The following KDM4C variants were observed in gnomAD, a reference collection of about 807,000 sequenced individuals.
The protein encoded by KDM4C is lysine demethylase 4C.
A neutral mutation model predicts 129.3 loss-of-function variants in KDM4C; 81 were observed. The observed-to-expected ratio is 0.63, with a 90% CI of 0.52 to 0.75. KDM4C has a LOEUF of 0.75. KDM4C is among the 30% of genes least tolerant of loss of function. The pLI is 0.00. For missense variants in KDM4C, 1,457 were observed against 1,304.0 expected, an observed-to-expected ratio of 1.12 and a Z score of -1.81; for synonymous variants, 573 against 456.1, an observed-to-expected ratio of 1.26 and a Z score of -3.26.
At chr9:6,861,060 A>G (rs916133627) in intron 5 of KDM4C, among the ~76,000 whole-genome samples, 1 of 152,262 alleles carries the variant, frequency 6.6e-6, no homozygotes, top group African/African-American at 2.4e-5. Context: ...AGGCACAGGC[A>G]GTAGGTGGAA....
At chr9:7,155,627 G>T (rs544767327) in intron 19 of KDM4C, among the ~76,000 whole-genome samples, 1 of 152,204 alleles carries the variant, frequency 6.6e-6, no homozygotes, top group South Asian at 2.1e-4. Context: ...CTGTCCTTGC[G>T]ATAGTTTGCT....
At chr9:7,171,756 C>T (rs967709732) in intron 21 of KDM4C, among the ~76,000 whole-genome samples, 9 of 152,132 alleles carry the variant, frequency 5.9e-5, no homozygotes, top group Non-Finnish European at 8.8e-5. Context: ...TCTCGGAACA[C>T]AGGTCCTGGA....
rs1468275299 is a variant in KDM4C at position 6,772,931 on chromosome 9, G to A, written c.-18+14728G>A. 2.5e-4 allele frequency among the ~76,000 whole-genome samples: 36 copies of A among 145,178 alleles called. 1 individual carries two copies. The Admixed American group carries it at 2.5e-3, about 10-fold the overall frequency. On this transcript the variant is annotated intron_variant, in intron 1 of 21. Coordinates refer to ENST00000381309, the MANE Select transcript of KDM4C (RefSeq NM_015061.6). Reference sequence around the variant, plus strand: ...GGCTGGTCCCGAACTCTTGACCGCAGGTGATCCACCCACCTCGGCCTCCCC... The same window carrying A: ...GGCTGGTCCCGAACTCTTGACCGCAAGTGATCCACCCACCTCGGCCTCCCC...
intron 4 of KDM4C, among the ~76,000 whole-genome samples, chr9:6,836,755 T>A (rs1291554459): frequency 1.3e-5 from 2 of 152,242 alleles, no homozygotes; most frequent in African/African-American, 4.8e-5. Context: ...AGTTGATCCA[T>A]ATTATTTTGT....
intron 5 of KDM4C, among the ~76,000 whole-genome samples, chr9:6,861,774 C>CTT (rs199903320): frequency 6.7e-5 from 10 of 148,840 alleles, no homozygotes; most frequent in Non-Finnish European, 1.5e-4. Flanking sequence ...ATATTTCTTT[C>CTT]TTTCTTTTTT....
intron 1 of KDM4C, among the ~76,000 whole-genome samples, chr9:6,790,055 G>A (rs62567973): frequency 0.64 from 96,266 of 149,724 alleles, 31,234 homozygotes; most frequent in African/African-American, 0.72. Context: ...GGGTGGGATC[G>A]CCTGAGGTCA....
intron 15 of KDM4C, among the ~76,000 whole-genome samples, chr9:7,023,979 T>C (rs1166122633): frequency 6.6e-6 from 1 of 152,228 alleles, no homozygotes; most frequent in African/African-American, 2.4e-5. Context: ...TTTTATTCCA[T>C]TGTGGTCAAA....
At chr9:6,916,514 C>A (rs1230378847) in intron 8 of KDM4C, among the ~76,000 whole-genome samples, 1 of 152,128 alleles carries the variant, frequency 6.6e-6, no homozygotes, top group African/African-American at 2.4e-5. Flanking sequence ...CCTGCATTGG[C>A]CTCCCAAAGT....
At chr9:7,124,807 G>T (rs1263863383) in intron 18 of KDM4C, among the ~76,000 whole-genome samples, 1 of 152,156 alleles carries the variant, frequency 6.6e-6, no homozygotes. Flanking sequence ...AGGAAGGAAA[G>T]AAGGGAAATA....
intron 1 of KDM4C, among the ~76,000 whole-genome samples, chr9:6,778,684 T>G (rs13291397): frequency 6.6e-6 from 1 of 151,862 alleles, no homozygotes; most frequent in East Asian, 2.0e-4. Context: ...GGAGAATCTC[T>G]TGAACCCAGG....
intron 8 of KDM4C, among the ~76,000 whole-genome samples, chr9:6,962,309 C>A (rs1010412480): frequency 6.6e-6 from 1 of 152,136 alleles, no homozygotes; most frequent in Non-Finnish European, 1.5e-5. Context: ...AAATTATATC[C>A]AAATGCATTT....
chr9:6,791,613 T>C (rs1004357342), intron 1 of KDM4C, among the ~76,000 whole-genome samples: 4 of 152,262 alleles, frequency 2.6e-5, no homozygotes, highest in African/African-American at 9.6e-5. Context: ...TAACGATTTT[T>C]AACATTCTCT....
chr9:6,884,913 T>G (rs1174205846), intron 6 of KDM4C, among the ~76,000 whole-genome samples: 1 of 152,246 alleles, frequency 6.6e-6, no homozygotes, highest in African/African-American at 2.4e-5. Flanking sequence ...AACTTCTCAT[T>G]TGAAGGAAGG....
intron 18 of KDM4C, among the ~76,000 whole-genome samples, chr9:7,113,714 A>C (rs1838590203): frequency 6.6e-6 from 1 of 152,210 alleles, no homozygotes; most frequent in Non-Finnish European, 1.5e-5. Flanking sequence ...CTTCGTGCTA[A>C]TGAAAAATAA....
At chr9:7,055,155 C>T (rs990431950) in intron 17 of KDM4C, among the ~76,000 whole-genome samples, 2 of 152,158 alleles carry the variant, frequency 1.3e-5, no homozygotes, top group Admixed American at 6.5e-5. Flanking sequence ...TCCATCCTGG[C>T]GACAGAGCAA....
intron 2 of KDM4C, among the ~76,000 whole-genome samples, chr9:6,801,491 C>T (rs1390446765): frequency 6.6e-6 from 1 of 151,340 alleles, no homozygotes; most frequent in Non-Finnish European, 1.5e-5. Context: ...CCCGCCTTGG[C>T]CTCCCAAAGT....
At chr9:7,124,615 C>T (rs997090826) in intron 18 of KDM4C, among the ~76,000 whole-genome samples, 2 of 152,104 alleles carry the variant, frequency 1.3e-5, no homozygotes, top group Non-Finnish European at 2.9e-5. Flanking sequence ...TCGTAAACTG[C>T]GTAATTATTT....
At chr9:6,772,693 T>C (rs1822132861) in intron 1 of KDM4C, among the ~76,000 whole-genome samples, 1 of 109,318 alleles carries the variant, frequency 9.1e-6, no homozygotes, top group Non-Finnish European at 2.0e-5. Context: ...TTTCTTTTAC[T>C]TTTTTTTTTT....
intron 1 of KDM4C, among the ~76,000 whole-genome samples, chr9:6,732,272 G>C (rs1817368437): frequency 6.7e-6 from 1 of 148,384 alleles, no homozygotes; most frequent in Non-Finnish European, 1.5e-5. Context: ...GGCTGAGGCA[G>C]GAGAATCGCT....
Sources: allele counts gnomAD v4.1 joint callset (sites outside exome capture counted in the v4.1 genomes callset), GRCh38; gene constraint gnomAD v4.1.1; transcripts MANE v1.5; gene names NCBI Gene and HGNC (gene_info 2026-07-23, HGNC 2026-07-21).